Variants in GDAP1L1 observed in about 807,000 individuals in gnomAD.
GDAP1L1 encodes ganglioside-induced differentiation-associated protein 1-like 1.
GDAP1L1 carries 21 observed loss-of-function variants against 37.1 expected under a neutral mutation model. That is an observed-to-expected ratio of 0.57 (90% CI 0.40 to 0.81). The LOEUF (loss-of-function observed/expected upper bound fraction) is 0.81, where lower values mean the gene tolerates loss of function less well. Among genes scored for constraint, GDAP1L1 ranks in the 40% least tolerant of loss-of-function variants. The probability of loss-of-function intolerance (pLI) is 0.00; values close to 1 mark genes in which losing one functional copy is unlikely to be tolerated. For synonymous variants in GDAP1L1, 193 were observed against 209.1 expected, an observed-to-expected ratio of 0.92 and a Z score of 0.67; for missense variants, 362 against 491.6, an observed-to-expected ratio of 0.74 and a Z score of 2.49.
chr20:44,272,889 T>G (rs780401837), intron 5 of GDAP1L1, among the ~76,000 whole-genome samples: 6 of 152,214 alleles, frequency 3.9e-5, no homozygotes, highest in Non-Finnish European at 7.3e-5. Flanking sequence ...AATATCCACA[T>G]GCATATAAAC....
chr20:44,268,750 C>T (rs976735858), intron 5 of GDAP1L1, among the ~76,000 whole-genome samples: 5 of 152,118 alleles, frequency 3.3e-5, no homozygotes, highest in Admixed American at 6.5e-5. Context: ...GGGAACTCTT[C>T]AGGAATGGTC....
chr20:44,276,424 G>GAA (rs2062578171), intron 5 of GDAP1L1, among the ~76,000 whole-genome samples: 8 of 135,186 alleles, frequency 5.9e-5, no homozygotes, highest in African/African-American at 2.2e-4. Context: ...AAGAAAGAAA[G>GAA]AAAGAAAGAA....
chr20:44,274,804 A>G (rs1483545754), intron 5 of GDAP1L1, among the ~76,000 whole-genome samples: 1 of 152,060 alleles, frequency 6.6e-6, no homozygotes, highest in Non-Finnish European at 1.5e-5. Context: ...CTCCACATTG[A>G]TGGTGCTTCT....
At position 44,257,162 on chromosome 20, in the gene GDAP1L1, G is replaced by T; in HGVS notation, c.190G>T (p.Val64Leu). 6.3e-7 allele frequency: 1 copy of T among 1,591,992 alleles called. No homozygotes were observed. Among genetic ancestry groups the T allele is most frequent in the Non-Finnish European group, 8.5e-7 (1 of 1,171,202 alleles). ...QSFSSQKVRLVIAEKGLVCEE... is the reference protein window; with the variant it reads ...QSFSSQKVRLLIAEKGLVCEE... ...ACCCTGGCGCCTGCAGGTGCGGCTG[G>T]TGATCGCCGAGAAGGGCCTGGTGTG... Residue 64 changes from valine (V) to leucine (L), a missense_variant, in exon 2 of 6, where the codon GTG (valine) becomes TTG (leucine). Physicochemically the swap from Val to Leu is conservative, Grantham distance 32. Transcript: ENST00000342560.
Position 44,265,285 on chromosome 20 carries a change from C to G in GDAP1L1, c.760+726C>G, listed in dbSNP as rs943470976. ...CCATGCTTTTGCTCCCACAGCCCCT[C>G]CCTCCTGGAGCACCCTTCCTACACC... On this transcript the variant is annotated intron_variant, in intron 5 of 5. Transcript: ENST00000342560. 5.1e-6 allele frequency: 5 copies of G among 985,192 alleles called. No homozygotes were observed. In the African/African-American group the frequency reaches 8.7e-5, roughly 17 times the overall value. 61.0% of individuals were successfully genotyped at this position (985,192 alleles called of 1,614,324 possible). A position where few individuals can be genotyped will look rare whatever the true frequency, so the allele number is the denominator to read the frequency against.
chr20:44,272,180 C>G (rs1347267396), intron 5 of GDAP1L1, among the ~76,000 whole-genome samples: 1 of 152,106 alleles, frequency 6.6e-6, no homozygotes, highest in Non-Finnish European at 1.5e-5. Flanking sequence ...GGGAGGAGCA[C>G]CTAGAAAGGC....
chr20:44,256,966 C>T (rs1345713271), intron 1 of GDAP1L1, among the ~76,000 whole-genome samples, 187 bp from the exon 2 acceptor site: 2 of 152,202 alleles, frequency 1.3e-5, no homozygotes, highest in Non-Finnish European at 2.9e-5. Flanking sequence ...CTGCGCTCCT[C>T]CCTCCACCAG....
At chr20:44,263,767 C>CT (rs771682062) in intron 4 of GDAP1L1, among the ~76,000 whole-genome samples, 10 of 152,292 alleles carry the variant, frequency 6.6e-5, no homozygotes, top group Non-Finnish European at 1.2e-4. Context: ...TTGCCTGAAC[C>CT]TGGGAGGCGG....
chr20:44,251,085 A>G (rs1211836455), intron 1 of GDAP1L1, among the ~76,000 whole-genome samples: 1 of 152,172 alleles, frequency 6.6e-6, no homozygotes. Flanking sequence ...TAGCTGTGTG[A>G]CTGGGCAAGT....
chr20:44,264,577 G>C lies in GDAP1L1; in HGVS notation c.760+18G>C. 6.2e-7 allele frequency: 1 copy of C among 1,607,788 alleles called. No homozygotes were observed. The highest frequency in any genetic ancestry group is 1.1e-5 in the South Asian group (1 of 90,182). On this transcript the variant is annotated intron_variant, in intron 5 of 5. Transcript: ENST00000342560. ...GAACGAGGGTGGGTGCCAGCCCTGG[G>C]GGAGGTGGGGGCTGCAGCCCACCCA...
chr20:44,252,466 C>T (rs2145989546), intron 1 of GDAP1L1, among the ~76,000 whole-genome samples: 1 of 152,268 alleles, frequency 6.6e-6, no homozygotes, highest in Non-Finnish European at 1.5e-5. Flanking sequence ...ATGGTGAAAT[C>T]CCGTCTCTAC....
At chr20:44,257,428 C>A in intron 2 of GDAP1L1, 83 bp downstream of exon 2, 1 of 1,337,182 alleles carries the variant, frequency 7.5e-7, no homozygotes. Flanking sequence ...GGTCCCAGAA[C>A]TTTGGGAAGT....
chr20:44,263,389 T>C (rs1007454498), intron 4 of GDAP1L1, 62 bp downstream of exon 4: 11 of 1,088,904 alleles, frequency 1.0e-5, no homozygotes, highest in Non-Finnish European at 1.5e-5. Flanking sequence ...AAATGAACAA[T>C]AGGAGAAACT....
At chr20:44,276,882 G>A (rs1212590170) in intron 5 of GDAP1L1, among the ~76,000 whole-genome samples, 1 of 152,184 alleles carries the variant, frequency 6.6e-6, no homozygotes, top group Non-Finnish European at 1.5e-5. Context: ...AACAAAGCAG[G>A]AGAGGGGAGA....
At chr20:44,272,917 T>A (rs2062535247) in intron 5 of GDAP1L1, among the ~76,000 whole-genome samples, 1 of 152,206 alleles carries the variant, frequency 6.6e-6, no homozygotes, top group Non-Finnish European at 1.5e-5. Flanking sequence ...TGCATGGATT[T>A]GTGCAGGCAG....
In GDAP1L1 at chr20:44,264,496, G is replaced by T. The variant is rs778331202; in HGVS notation, c.697G>T (p.Glu233Ter). 1 of 1,561,212 alleles carries T rather than the reference G, an allele frequency of 6.4e-7. No homozygotes were observed. Among genetic ancestry groups the T allele is most frequent in the East Asian group, 2.3e-5 (1 of 43,694 alleles). ...DVSYLKKILG[E>*]LAMVLDQIEA... Reference sequence around the variant, plus strand: ...GAGCTACCTGAAGAAGATCCTCGGGGAACTGGCCATGGTGCTGGACCAGAT... The same window carrying T: ...GAGCTACCTGAAGAAGATCCTCGGGTAACTGGCCATGGTGCTGGACCAGAT... Residue 233 changes from glutamate to a stop codon, truncating the protein, a stop_gained, in exon 5 of 6, where the codon GAA becomes TAA. Transcript: ENST00000342560. LOFTEE classifies it high-confidence loss of function.
intron 5 of GDAP1L1, among the ~76,000 whole-genome samples, chr20:44,268,516 T>C (rs1219919010): frequency 6.6e-6 from 1 of 152,142 alleles, no homozygotes; most frequent in Non-Finnish European, 1.5e-5. Context: ...GAGTTTGCAG[T>C]CTTACAGAGG....
intron 5 of GDAP1L1, among the ~76,000 whole-genome samples, chr20:44,277,451 T>C (rs1488549543): frequency 1.3e-5 from 2 of 152,188 alleles, no homozygotes; most frequent in Non-Finnish European, 2.9e-5. Context: ...AGGAGTCCAA[T>C]GTGGCTGGAG....
chr20:44,248,094 GT>G (rs1368218749), intron 1 of GDAP1L1, among the ~76,000 whole-genome samples: 21 of 152,330 alleles, frequency 1.4e-4, no homozygotes, highest in Middle Eastern at 6.8e-3. Context: ...GAAGGAAGGA[GT>G]TAAACCATCC....
Sources: gnomAD v4.1 joint callset for allele counts (sites outside exome capture counted in the v4.1 genomes callset) on GRCh38, gnomAD v4.1.1 for gene constraint, MANE v1.5 for transcripts, NCBI Gene and HGNC (gene_info 2026-07-23, HGNC 2026-07-21) for gene names.